TRAF2: variants seen among roughly 807,000 people sequenced by gnomAD.
The protein encoded by TRAF2 is TNF receptor associated factor 2, also known as TNF receptor-associated factor 2.
TRAF2 carries 6 observed loss-of-function variants against 55.6 expected under a neutral mutation model. The observed-to-expected ratio is 0.11, with a 90% CI of 0.06 to 0.21. The LOEUF (loss-of-function observed/expected upper bound fraction) is 0.21. TRAF2 is among the 10% of genes least tolerant of loss of function. The probability of loss-of-function intolerance (pLI) is 1.00; values close to 1 mark genes in which losing one functional copy is unlikely to be tolerated. For missense variants in TRAF2, 561 were observed against 684.5 expected, an observed-to-expected ratio of 0.82 and a Z score of 2.01; for synonymous variants, 329 against 276.3, an observed-to-expected ratio of 1.19 and a Z score of -1.89.
At chr9:136,888,046 T>G (rs1175896447) in intron 1 of TRAF2, among the ~76,000 whole-genome samples, 1 of 151,846 alleles carries the variant, frequency 6.6e-6, no homozygotes, top group Non-Finnish European at 1.5e-5. Context: ...ATTTTTTGTA[T>G]TTTTAGTAGA....
At chr9:136,918,240 TA>T (rs1194897153) in intron 7 of TRAF2, among the ~76,000 whole-genome samples, 2 of 44,650 alleles carry the variant, frequency 4.5e-5, no homozygotes, top group African/African-American at 3.4e-4. Flanking sequence ...TATATATATA[TA>T]TATATATATA....
upstream of TRAF2, among the ~76,000 whole-genome samples, chr9:136,884,417 G>A (rs1439186461): frequency 2.6e-5 from 4 of 151,966 alleles, no homozygotes; most frequent in Admixed American, 2.0e-4. Flanking sequence ...AAAATTAGCC[G>A]GGCGTAGCGG....
At chr9:136,912,152 CTTTTTTTTTTTTTTTTTT>C (rs1180324647) in intron 6 of TRAF2, among the ~76,000 whole-genome samples, 1 of 58,302 alleles carries the variant, frequency 1.7e-5, no homozygotes, top group African/African-American at 7.6e-5. Flanking sequence ...GCGTCTGGCC[CTTTTTTTTTTTTTTTTTT>C]TTTTTTTTTG....
chr9:136,882,465 C>T (rs1849386103), upstream of TRAF2, among the ~76,000 whole-genome samples: 3 of 152,234 alleles, frequency 2.0e-5, no homozygotes, highest in African/African-American at 7.2e-5. Flanking sequence ...CACTGGCACC[C>T]TCGTCAGGAC....
intron 4 of TRAF2, among the ~76,000 whole-genome samples, chr9:136,903,591 G>A (rs1039340499): frequency 1.3e-5 from 2 of 151,326 alleles, no homozygotes; most frequent in African/African-American, 2.4e-5. Context: ...TGAGACAGAT[G>A]GTGCTGGTGT....
intron 1 of TRAF2, among the ~76,000 whole-genome samples, chr9:136,893,767 C>T (rs17250106): frequency 6.5e-4 from 98 of 151,306 alleles, no homozygotes; most frequent in African/African-American, 2.1e-3. Context: ...CTTTTTTTTT[C>T]GAGACGGAGT....
At chr9:136,890,780 C>T (rs1316789850) in intron 1 of TRAF2, among the ~76,000 whole-genome samples, 1 of 152,230 alleles carries the variant, frequency 6.6e-6, no homozygotes, top group Non-Finnish European at 1.5e-5. Flanking sequence ...ACCGGGCTGC[C>T]TGCCGTGTCC....
chr9:136,898,628 G>A (rs906751831), intron 1 of TRAF2, 85 bp from the exon 2 acceptor site: 31 of 1,548,326 alleles, frequency 2.0e-5, no homozygotes, highest in East Asian at 2.3e-5. Flanking sequence ...CCTCACCATC[G>A]CCTGCTACTG....
Position 136,924,945 on chromosome 9 carries a change from G to A in TRAF2, c.1288-738G>A, listed in dbSNP as rs183360812. Among the ~76,000 whole-genome samples, 61 of 152,244 alleles carry A rather than the reference G, an allele frequency of 4.0e-4. 1 individual carries two copies. The highest frequency in any genetic ancestry group is 3.9e-3 in the Admixed American group (59 of 15,302). On this transcript the variant is annotated intron_variant, in intron 10 of 10. Transcript: ENST00000247668. ...GTAGAGATGGGGTTTCTCCATGTTG[G>A]CCAGGCTGGTCTTGATCTCCTGACC...
intron 10 of TRAF2, among the ~76,000 whole-genome samples, chr9:136,924,700 G>GA (rs1370586129): frequency 6.6e-6 from 1 of 152,162 alleles, no homozygotes; most frequent in African/African-American, 2.4e-5. Flanking sequence ...GCAGAGGAAG[G>GA]AACACAGCTT....
chr9:136,896,790 AAT>A (rs1204897693), intron 1 of TRAF2, among the ~76,000 whole-genome samples: 3 of 152,180 alleles, frequency 2.0e-5, no homozygotes, highest in East Asian at 3.9e-4. Flanking sequence ...TTGTATTTTT[AAT>A]AGAGACGGGG....
chr9:136,913,381 T>C (rs528543115), intron 6 of TRAF2, among the ~76,000 whole-genome samples: 1 of 129,158 alleles, frequency 7.7e-6, no homozygotes, highest in South Asian at 2.7e-4. Flanking sequence ...CACTGCAACC[T>C]CTGCCTCCTG....
intron 2 of TRAF2, among the ~76,000 whole-genome samples, chr9:136,899,385 C>T (rs1012177358): frequency 1.3e-5 from 2 of 152,182 alleles, no homozygotes; most frequent in Admixed American, 1.3e-4. Flanking sequence ...TCAGGCGTGC[C>T]TTCCTCACAA....
At chr9:136,906,149 T>G (rs1322306213) in intron 4 of TRAF2, among the ~76,000 whole-genome samples, 1 of 151,980 alleles carries the variant, frequency 6.6e-6, no homozygotes, top group Admixed American at 6.6e-5. Flanking sequence ...ACAAAGAAAT[T>G]TAGCTGGGTG....
intron 1 of TRAF2, 59 bp from the exon 2 acceptor site, chr9:136,898,654 G>GT: frequency 6.3e-7 from 1 of 1,591,380 alleles, no homozygotes; most frequent in African/African-American, 1.3e-5. Context: ...CATTGGTTTG[G>GT]TTTTGTCTCG....
upstream of TRAF2, chr9:136,882,822 C>G (rs1187885655): frequency 5.9e-6 from 5 of 845,430 alleles, no homozygotes; most frequent in African/African-American, 7.4e-5. Flanking sequence ...GTGTGTGCCT[C>G]TGCCTCTCAG....
chr9:136,906,448 GC>G (rs965275012), intron 4 of TRAF2, among the ~76,000 whole-genome samples: 10 of 152,204 alleles, frequency 6.6e-5, no homozygotes, highest in African/African-American at 2.4e-4. Flanking sequence ...CAGGGGAACT[GC>G]CCTTTATCAA....
At chr9:136,906,414 T>A (rs1214830410) in intron 4 of TRAF2, among the ~76,000 whole-genome samples, 30 of 152,152 alleles carry the variant, frequency 2.0e-4, no homozygotes, top group Non-Finnish European at 1.5e-5. Flanking sequence ...ACGTCTCACA[T>A]GGCAGCAGGC....
At chr9:136,908,694 G>A (rs1850019627) in intron 5 of TRAF2, among the ~76,000 whole-genome samples, 1 of 152,118 alleles carries the variant, frequency 6.6e-6, no homozygotes, top group Non-Finnish European at 1.5e-5. Context: ...GTGAAACCCT[G>A]TCTCTACTAA....
Sources: gnomAD v4.1 joint callset for allele counts (sites outside exome capture counted in the v4.1 genomes callset) on GRCh38, gnomAD v4.1.1 for gene constraint, MANE v1.5 for transcripts, NCBI Gene and HGNC (gene_info 2026-07-23, HGNC 2026-07-21) for gene names.